The following PUM3 variants were observed in gnomAD, a reference collection of about 807,000 sequenced individuals.
The protein encoded by PUM3 is pumilio RNA binding family member 3, also known as pumilio homolog 3.
Under a neutral mutation model 84.0 loss-of-function variants are expected in PUM3, and 91 were observed. That is an observed-to-expected ratio of 1.08 (90% CI 0.91 to 1.29). PUM3 has a LOEUF of 1.29. Among genes scored for constraint, PUM3 ranks in the 50% most tolerant of loss-of-function variants. The pLI, the probability that PUM3 is intolerant of heterozygous loss-of-function variation, is 0.00. For missense variants in PUM3, 1,067 were observed against 767.5 expected, an observed-to-expected ratio of 1.39 and a Z score of -4.61; for synonymous variants, 321 against 266.7, an observed-to-expected ratio of 1.20 and a Z score of -1.98.
chr9:2,843,198 C>G (rs565810741), intron 1 of PUM3, among the ~76,000 whole-genome samples: 1 of 152,176 alleles, frequency 6.6e-6, no homozygotes, highest in African/African-American at 2.4e-5. Flanking sequence ...ACCTTCAAGG[C>G]CCTACAGAAC....
At chr9:2,836,355 T>A (rs1816120438) in intron 3 of PUM3, among the ~76,000 whole-genome samples, 1 of 152,176 alleles carries the variant, frequency 6.6e-6, no homozygotes, top group African/African-American at 2.4e-5. Context: ...GCAAAGAAAG[T>A]AATGATATGA....
chr9:2,828,981 A>G (rs1055162326), intron 8 of PUM3, among the ~76,000 whole-genome samples: 1 of 152,240 alleles, frequency 6.6e-6, no homozygotes, highest in Non-Finnish European at 1.5e-5. Flanking sequence ...AGTGCATTTA[A>G]AGAGCCAGGC....
At chr9:2,839,061 T>G (rs182817229) in intron 1 of PUM3, among the ~76,000 whole-genome samples, 1 of 152,354 alleles carries the variant, frequency 6.6e-6, no homozygotes, top group Admixed American at 6.5e-5. Flanking sequence ...CTGTGATTGT[T>G]TTAGACGCAG....
intron 12 of PUM3, among the ~76,000 whole-genome samples, chr9:2,820,999 T>C (rs982823264): frequency 5.9e-5 from 9 of 152,200 alleles, no homozygotes; most frequent in African/African-American, 1.2e-4. Flanking sequence ...TTTTTGATAA[T>C]AGCCCACAAT....
rs911883035 is a variant in PUM3, at chr9:2,837,333, T to C, written c.151A>G (p.Arg51Gly). 1.2e-6 allele frequency: 2 copies of C among 1,614,092 alleles called. No homozygotes were observed. The highest frequency in any genetic ancestry group is 1.3e-5 in the African/African-American group (1 of 75,062). The change falls in exon 3 of 18, where the codon AGG becomes GGG. Residue 51 changes from arginine to glycine, a missense_variant. Transcript: ENST00000397885. ...TTTGTGATACTTTTCTCAAAGTTCC[T>C]AGATGTGACTTTAGGTCCACCTTCT... ...AKEGGPKVTS[R>G]NFEKSITKLG...
intron 1 of PUM3, among the ~76,000 whole-genome samples, chr9:2,842,868 C>G (rs776140370): frequency 3.3e-5 from 5 of 152,158 alleles, no homozygotes. Flanking sequence ...TTTCCCTGCC[C>G]TATCGTCCTC....
At chr9:2,820,516 C>T (rs2129823746) in intron 12 of PUM3, among the ~76,000 whole-genome samples, 1 of 151,942 alleles carries the variant, frequency 6.6e-6, no homozygotes, top group Admixed American at 6.6e-5. Flanking sequence ...AAAATATAAA[C>T]TCATACAATT....
At chr9:2,828,005 T>C (rs1341671256) in intron 9 of PUM3, among the ~76,000 whole-genome samples, 1 of 152,184 alleles carries the variant, frequency 6.6e-6, no homozygotes, top group Non-Finnish European at 1.5e-5. Context: ...GAAGGGCACA[T>C]GCACAGGCTT....
Position 2,837,199 on chromosome 9 carries a change from C to A in PUM3, c.285G>T (p.Gln95His). 1 of 1,614,054 alleles carries A rather than the reference C, an allele frequency of 6.2e-7. No individual in the cohort carries two copies. Among genetic ancestry groups the A allele is most frequent in the Non-Finnish European group, 8.5e-7 (1 of 1,179,924 alleles). ...ACTTACCATCGCTTCTACCATCTGGCTGGAATTTTCTCTTCTTGTTGAATT... is the reference window on the plus strand; with the variant it reads ...ACTTACCATCGCTTCTACCATCTGGATGGAATTTTCTCTTCTTGTTGAATT... ...ANKFNKKRKFQPDGRSDESAA... is the reference protein window; with the variant it reads ...ANKFNKKRKFHPDGRSDESAA... The change falls in exon 3 of 18, where the codon CAG becomes CAT. Residue 95 changes from glutamine (Q) to histidine (H), a missense_variant. Transcript: ENST00000397885.
intron 5 of PUM3, 67 bp from the exon 6 acceptor site, chr9:2,831,411 G>A (rs988005432): frequency 5.4e-5 from 53 of 982,510 alleles, no homozygotes; most frequent in Non-Finnish European, 7.9e-5. Flanking sequence ...AATTTATTGT[G>A]ACCTCTTCTG....
chr9:2,817,977 T>G (rs1181580903), intron 13 of PUM3, among the ~76,000 whole-genome samples: 1 of 152,214 alleles, frequency 6.6e-6, no homozygotes, highest in Non-Finnish European at 1.5e-5. Flanking sequence ...TTATGTTTAT[T>G]TAGGAAAGTA....
chr9:2,834,497 T>C (rs1399289908), intron 3 of PUM3, among the ~76,000 whole-genome samples: 5 of 152,232 alleles, frequency 3.3e-5, no homozygotes, highest in East Asian at 1.9e-4. Flanking sequence ...ATTAAGATCA[T>C]TGGACTTTAG....
rs570150876 is a variant in PUM3 at position 2,843,640 on chromosome 9, A to C, written c.-11+405T>G. ...GTCTCCCAGGCTGGAGTGTAGTGGC[A>C]CGATCTTGGCTCACTGCAAGCTCCG... On this transcript the variant is annotated intron_variant, in intron 1 of 17. Transcript: ENST00000397885. 1.3e-4 allele frequency among the ~76,000 whole-genome samples: 17 copies of C among 132,752 alleles called. No homozygotes were observed. The South Asian group carries it at 2.4e-3, about 19-fold the overall frequency. The allele number at this position is 132,752 out of a possible 152,430, so 87.1% of individuals were successfully genotyped here.
At chr9:2,822,984 C>A (rs1035061705) in intron 12 of PUM3, among the ~76,000 whole-genome samples, 1 of 151,606 alleles carries the variant, frequency 6.6e-6, no homozygotes, top group African/African-American at 2.4e-5. Flanking sequence ...GAAGTATTCC[C>A]CAGATGCTAG....
At chr9:2,806,971 G>A (rs867166862) in intron 17 of PUM3, among the ~76,000 whole-genome samples, 1 of 152,110 alleles carries the variant, frequency 6.6e-6, no homozygotes, top group African/African-American at 2.4e-5. Context: ...CACTTTGGGA[G>A]CCCGAGGTGG....
intron 13 of PUM3, among the ~76,000 whole-genome samples, chr9:2,818,329 T>C (rs1361180790): frequency 1.3e-5 from 2 of 152,210 alleles, no homozygotes; most frequent in Non-Finnish European, 2.9e-5. Context: ...GTTAAGAATG[T>C]GGGTTAAGCA....
At chr9:2,824,889 C>T (rs371054563) in intron 10 of PUM3, 74 bp from the exon 11 acceptor site, 2 of 1,036,872 alleles carry the variant, frequency 1.9e-6, no homozygotes, top group Non-Finnish European at 2.7e-6. Context: ...TGTCTGTCTA[C>T]AGGGGGCAGT....
chr9:2,839,701 G>C (rs577946942), intron 1 of PUM3, among the ~76,000 whole-genome samples: 35 of 152,264 alleles, frequency 2.3e-4, no homozygotes, highest in African/African-American at 8.2e-4. Context: ...AGCTTCCTCA[G>C]GGCATTTAGA....
At chr9:2,837,059 C>G in intron 3 of PUM3, 121 bp downstream of exon 3, 1 of 801,598 alleles carries the variant, frequency 1.2e-6, no homozygotes, top group Non-Finnish European at 2.1e-6. Context: ...ATTTAAGCCA[C>G]CTACCTGTCC....
Sources: gnomAD v4.1 joint callset for allele counts (sites outside exome capture counted in the v4.1 genomes callset) on GRCh38, gnomAD v4.1.1 for gene constraint, MANE v1.5 for transcripts, NCBI Gene and HGNC (gene_info 2026-07-23, HGNC 2026-07-21) for gene names.